Variants in MYO1H observed in about 807,000 individuals in gnomAD.
The protein encoded by MYO1H is myosin IH.
In MYO1H, 118 loss-of-function variants were observed where a neutral mutation model predicts 149.3. The ratio of observed to expected loss-of-function variants is 0.79; its 90% CI spans 0.68 to 0.92. The LOEUF is 0.92. Ranked by LOEUF, MYO1H falls within the 40% of genes least tolerant of loss-of-function variation. The pLI, the probability that MYO1H is intolerant of heterozygous loss-of-function variation, is 0.00. For synonymous variants in MYO1H, 447 were observed against 465.2 expected (o/e 0.96, Z 0.50); for missense variants, 1,212 against 1,280.7 (o/e 0.95, Z 0.82).
chr12:109,360,591 G>GTA (rs2137004738), intron 1 of MYO1H, among the ~76,000 whole-genome samples: 1 of 152,302 alleles, frequency 6.6e-6, no homozygotes, highest in Non-Finnish European at 1.5e-5. Flanking sequence ...CTTCATGAGG[G>GTA]TAGAGAGTAG....
At chr12:109,311,042 T>C in the MYO1H span, among the ~76,000 whole-genome samples, 11 of 152,268 alleles carry the variant, frequency 7.2e-5, no homozygotes, top group African/African-American at 2.2e-4. Flanking sequence ...CTGTTAATCC[T>C]TCTTGGAGTT....
chr12:109,355,746 T>TG (rs976282954), intron 1 of MYO1H, among the ~76,000 whole-genome samples: 12 of 150,404 alleles, frequency 8.0e-5, no homozygotes, highest in African/African-American at 2.9e-4. Context: ...TTTTTTTTTT[T>TG]GGGAGATGAA....
At chr12:109,378,389 C>T (rs778983768) in intron 1 of MYO1H, among the ~76,000 whole-genome samples, 72 of 151,950 alleles carry the variant, frequency 4.7e-4, no homozygotes, top group South Asian at 1.0e-3. Context: ...GGTGTGATCA[C>T]GGCTTACTGC....
intron 18 of MYO1H, among the ~76,000 whole-genome samples, chr12:109,426,286 C>A (rs1014804158): frequency 6.6e-6 from 1 of 152,144 alleles, no homozygotes; most frequent in African/African-American, 2.4e-5. Flanking sequence ...GAATTGGAAA[C>A]CAGTTTGGGC....
the MYO1H span, among the ~76,000 whole-genome samples, chr12:109,315,853 G>A: frequency 1.3e-5 from 2 of 152,160 alleles, no homozygotes; most frequent in African/African-American, 2.4e-5. Flanking sequence ...TTCAAAAATT[G>A]TCAGTAGCTA....
chr12:109,413,594 A>T (rs1355533260), intron 14 of MYO1H, among the ~76,000 whole-genome samples: 2 of 152,244 alleles, frequency 1.3e-5, no homozygotes, highest in Non-Finnish European at 2.9e-5. Context: ...GCATGCAATG[A>T]TGTAAGTAAA....
intron 6 of MYO1H, among the ~76,000 whole-genome samples, chr12:109,401,901 C>T (rs999360983): frequency 2.0e-5 from 3 of 151,850 alleles, no homozygotes; most frequent in African/African-American, 7.3e-5. Context: ...TACCATGCCT[C>T]GCTAATTTTT....
chr12:109,326,332 A>G, the MYO1H span, among the ~76,000 whole-genome samples: 1 of 151,832 alleles, frequency 6.6e-6, no homozygotes, highest in Non-Finnish European at 1.5e-5. Flanking sequence ...TTCTTCTCCC[A>G]TTCCCAGGCT....
chr12:109,419,914 A>G lies in MYO1H; in HGVS notation c.1598-1067A>G, dbSNP rs1305661113. Among the ~76,000 whole-genome samples, 8 of 151,956 alleles carry G rather than the reference A, an allele frequency of 5.3e-5. No homozygotes were observed. In the East Asian group the frequency reaches 1.5e-3, roughly 29 times the overall value. ...AATCTGGTTTTGCCTTTATAATGCC[A>G]TTTACTTTCTAATGTAATTATTAAC... On this transcript the variant is annotated intron_variant, in intron 15 of 31. Transcript: ENST00000310903.
intron 1 of MYO1H, among the ~76,000 whole-genome samples, chr12:109,363,005 T>A (rs1040582304): frequency 5.9e-5 from 9 of 152,192 alleles, no homozygotes; most frequent in African/African-American, 2.2e-4. Context: ...CACAACTGTT[T>A]TGCTCTTTCC....
chr12:109,354,630 A>AAAAAAAGAAAAG (rs796354256), intron 1 of MYO1H, among the ~76,000 whole-genome samples: 2 of 134,014 alleles, frequency 1.5e-5, no homozygotes, highest in Non-Finnish European at 3.1e-5. Flanking sequence ...AAAAAAAAAA[A>AAAAAAAGAAAAG]AAAAGAAAAG....
exon 11 of MYO1H, chr12:109,409,568 G>A (rs745952165): frequency 2.3e-5 from 37 of 1,613,606 alleles, no homozygotes; most frequent in Non-Finnish European, 2.3e-5. Context: ...ATTTCACCAG[G>A]AAAACTGTAA....
At chr12:109,447,089 G>A in intron 31 of MYO1H, 70 bp from the exon 32 acceptor site, 4 of 1,449,996 alleles carry the variant, frequency 2.8e-6, no homozygotes, top group Non-Finnish European at 3.8e-6. Context: ...GACAGTTGAG[G>A]TGATAACTGT....
chr12:109,413,681 A>G (rs6606712), intron 14 of MYO1H, among the ~76,000 whole-genome samples: 74,959 of 151,802 alleles, frequency 0.49, 19,353 homozygotes, highest in African/African-American at 0.63. Flanking sequence ...AGGCCGAGGC[A>G]GCTGGATCAC....
At chr12:109,389,576 C>A (rs183967108) in intron 2 of MYO1H, among the ~76,000 whole-genome samples, 1 of 151,494 alleles carries the variant, frequency 6.6e-6, no homozygotes, top group Non-Finnish European at 1.5e-5. Context: ...GCAGCACTTA[C>A]CAAACTCTTC....
chr12:109,417,378 C>T (rs553646621), intron 15 of MYO1H, among the ~76,000 whole-genome samples: 4 of 151,982 alleles, frequency 2.6e-5, no homozygotes, highest in Admixed American at 6.6e-5. Flanking sequence ...CCCAGGCTGG[C>T]GTGCAGTGGC....
upstream of MYO1H, among the ~76,000 whole-genome samples, chr12:109,343,132 C>G (rs1045906718): frequency 1.3e-5 from 2 of 152,076 alleles, no homozygotes; most frequent in African/African-American, 4.8e-5. Flanking sequence ...TGATTTATTT[C>G]TAGTCTAGTG....
chr12:109,408,052 T>C (rs1362749327), intron 10 of MYO1H, 139 bp downstream of exon 10: 15 of 1,066,184 alleles, frequency 1.4e-5, no homozygotes, highest in Admixed American at 2.1e-5. Context: ...CTATTCACAT[T>C]TCCCATGTCT....
rs775885559 is a variant in MYO1H, at chr12:109,409,579, T to C, written c.1178T>C (p.Ile393Thr). 48 of 1,613,876 alleles carry C rather than the reference T, an allele frequency of 3.0e-5. No homozygotes were observed. The Middle Eastern group carries it at 4.9e-3, about 166-fold the overall frequency. The change falls in exon 11 of 32, where the codon ATT becomes ACT. Residue 393 changes from isoleucine (I) to threonine (T), a missense_variant. Ile to Thr is a moderately conservative substitution (Grantham distance 89). Coordinates refer to ENST00000310903, the Ensembl canonical transcript of MYO1H. ...CAGGATTTCACCAGGAAAACTGTAA[T>C]TGGATTACTGGACATCTATGGGTTT...
Sources: allele counts gnomAD v4.1 joint callset (sites outside exome capture counted in the v4.1 genomes callset), GRCh38; gene constraint gnomAD v4.1.1; transcripts MANE v1.5; gene names NCBI Gene and HGNC (gene_info 2026-07-23, HGNC 2026-07-21).